Variants in PSTPIP1 observed in about 807,000 individuals in gnomAD.
PSTPIP1 encodes proline-serine-threonine phosphatase-interacting protein 1.
PSTPIP1 carries 66 observed loss-of-function variants against 69.6 expected under a neutral mutation model. That is an observed-to-expected ratio of 0.95 (90% CI 0.78 to 1.16). PSTPIP1 has a LOEUF of 1.16. PSTPIP1 is among the 50% of genes most tolerant of loss of function. The pLI is 0.00. For missense variants in PSTPIP1, 603 were observed against 557.4 expected (o/e 1.08, Z -0.82); for synonymous variants, 266 against 222.7 (o/e 1.19, Z -1.73).
intron 3 of PSTPIP1, among the ~76,000 whole-genome samples, chr15:77,023,016 C>T (rs758981494): frequency 5.9e-5 from 9 of 152,242 alleles, no homozygotes; most frequent in Non-Finnish European, 1.2e-4. Context: ...TGAATGTCCA[C>T]CTGGCAGTGC....
intron 6 of PSTPIP1, 142 bp downstream of exon 6, chr15:77,028,056 AC>A: frequency 2.5e-6 from 2 of 814,456 alleles, no homozygotes; most frequent in East Asian, 2.7e-5. Context: ...CCTTGGGCGC[AC>A]CAGCCTGCGG....
chr15:77,025,428 G>A (rs908752669), intron 4 of PSTPIP1, 70 bp from the exon 5 acceptor site: 24 of 1,582,044 alleles, frequency 1.5e-5, no homozygotes, highest in African/African-American at 4.0e-5. Context: ...TGGCCCACAC[G>A]GGTGAGTTGT....
chr15:77,030,375 G>A, intron 8 of PSTPIP1, 127 bp from the exon 9 acceptor site: 1 of 955,646 alleles, frequency 1.0e-6, no homozygotes, highest in Non-Finnish European at 1.6e-6. Flanking sequence ...CCCGCCATCT[G>A]CTAGGGCAGG....
intron 14 of PSTPIP1, 45 bp from the exon 15 acceptor site, chr15:77,037,000 C>A: frequency 6.3e-7 from 1 of 1,598,072 alleles, no homozygotes; most frequent in East Asian, 2.3e-5. Flanking sequence ...CAGGCCCTTC[C>A]CTGCAGGCCC....
intron 1 of PSTPIP1, among the ~76,000 whole-genome samples, chr15:77,003,814 T>C (rs1204311422): frequency 6.6e-6 from 1 of 152,100 alleles, no homozygotes; most frequent in African/African-American, 2.4e-5. Context: ...AGATAAGGGC[T>C]TTGAGGTTGG....
intron 5 of PSTPIP1, 33 bp downstream of exon 5, chr15:77,025,637 C>A: frequency 6.6e-7 from 1 of 1,510,410 alleles, no homozygotes; most frequent in South Asian, 1.2e-5. Context: ...GGGAGCTGCT[C>A]CCCCATTGCC....
At chr15:77,033,701 G>A (rs2076477727) in intron 12 of PSTPIP1, among the ~76,000 whole-genome samples, 1 of 152,138 alleles carries the variant, frequency 6.6e-6, no homozygotes, top group African/African-American at 2.4e-5. Context: ...ACTGTGGGGA[G>A]AGGCTGATGC....
chr15:77,012,211 GTCCACCCATCTGTCCATCCATCCA>G (rs2075956670), intron 1 of PSTPIP1, among the ~76,000 whole-genome samples: 1 of 90,250 alleles, frequency 1.1e-5, no homozygotes, highest in South Asian at 4.0e-4. Flanking sequence ...CCATCCATCC[GTCCACCCATCTGTCCATCCATCCA>G]TCCACCCACT....
rs1336266359 is a variant in PSTPIP1, at chr15:77,027,126, G to A, written c.355-726G>A. ...CACTTGGGTGTTTTGTGCTGTGTGTGTGTGAGTGCCTGTGCCTCGCTGGTC... is the reference window on the plus strand; with the variant it reads ...CACTTGGGTGTTTTGTGCTGTGTGTATGTGAGTGCCTGTGCCTCGCTGGTC... On this transcript the variant is annotated intron_variant, in intron 5 of 14. Transcript: ENST00000558012. This position sits in a 1 kb window ranked among gnomAD's most constrained non-coding sequence, Gnocchi z 4.3. 3.9e-5 allele frequency among the ~76,000 whole-genome samples: 6 copies of A among 152,246 alleles called. No individual in the cohort carries two copies. Among genetic ancestry groups the A allele is most frequent in the Non-Finnish European group, 2.9e-5 (2 of 68,038 alleles).
chr15:77,035,434 G>A, intron 12 of PSTPIP1, 74 bp from the exon 13 acceptor site: 4 of 1,470,952 alleles, frequency 2.7e-6, no homozygotes, highest in Non-Finnish European at 1.9e-6. Context: ...ACCTCTCCCT[G>A]TCTAAACCCT....
intron 5 of PSTPIP1, chr15:77,026,166 A>G (rs974636026): frequency 6.6e-6 from 3 of 455,900 alleles, no homozygotes; most frequent in African/African-American, 6.0e-5. Context: ...AGTCCCCATC[A>G]TGGGAGGTGT....
In PSTPIP1 at chr15:77,037,062, C is replaced by T. The variant is rs770139775; in HGVS notation, c.1137C>T (p.Asp379=). 1.5e-5 allele frequency: 24 copies of T among 1,612,122 alleles called. No individual in the cohort carries two copies. The highest frequency in any genetic ancestry group is 1.6e-4 in the Middle Eastern group (1 of 6,080). The change falls in exon 15 of 15, where the codon GAC becomes GAT. Residue 379 remains aspartate, a synonymous_variant. Coordinates refer to ENST00000558012, the MANE Select transcript of PSTPIP1 (RefSeq NM_003978.5). ...DYTAQNPDEL[D]LSAGDILEVI... The stretch of plus-strand genomic sequence containing the variant: ...TTGGCCAGAACCCAGATGAGCTGGA[C>T]CTGTCCGCGGGAGACATCCTGGAGG...
In PSTPIP1 at chr15:77,030,539, G is replaced by C; in HGVS notation, c.600G>C (p.Lys200Asn). Residue 200 changes from lysine (K) to asparagine (N), a missense_variant, in exon 9 of 15, where the codon AAG (lysine) becomes AAC (asparagine). Physicochemically the swap from Lys to Asn is moderately conservative, Grantham distance 94. Coordinates refer to ENST00000558012, the MANE Select transcript of PSTPIP1 (RefSeq NM_003978.5). Reference sequence around the variant, plus strand: ...GGCAGAGCATTGCGCAGCTGGAGAAGGTCCGGGCTGAGTGGGAGCAGGAGC... The same window carrying C: ...GGCAGAGCATTGCGCAGCTGGAGAACGTCCGGGCTGAGTGGGAGCAGGAGC... ...VYRQSIAQLE[K>N]VRAEWEQEHR... 6.2e-7 allele frequency: 1 copy of C among 1,612,098 alleles called. No homozygotes were observed. Among genetic ancestry groups the C allele is most frequent in the Non-Finnish European group, 8.5e-7 (1 of 1,179,086 alleles).
intron 1 of PSTPIP1, among the ~76,000 whole-genome samples, chr15:77,011,445 C>T (rs973611791): frequency 2.0e-5 from 3 of 152,218 alleles, no homozygotes; most frequent in Non-Finnish European, 2.9e-5. Flanking sequence ...CTGTAAGGCC[C>T]GGCAGAGGCC....
At position 77,027,804 on chromosome 15, in the gene PSTPIP1, GC is replaced by G; in HGVS notation, c.355-46del. 6.5e-7 allele frequency: 1 copy of G among 1,549,318 alleles called. No individual in the cohort carries two copies. Among genetic ancestry groups the G allele is most frequent in the Non-Finnish European group, 8.7e-7 (1 of 1,146,162 alleles). ...CACTCCGTCCTCTTGGCCTAGGGGA[GC>G]CTCCCGAGGCCGCGGCCCTCGGCTC... On this transcript the variant is annotated intron_variant, in intron 5 of 14. Coordinates refer to ENST00000558012, the MANE Select transcript of PSTPIP1 (RefSeq NM_003978.5). The surrounding 1 kb of genome is among the most constrained non-coding windows in gnomAD (Gnocchi z 4.3).
At chr15:77,037,013 C>A in intron 14 of PSTPIP1, 32 bp from the exon 15 acceptor site, 4 of 1,606,486 alleles carry the variant, frequency 2.5e-6, no homozygotes, top group Non-Finnish European at 3.4e-6. Flanking sequence ...GCAGGCCCTT[C>A]CAACGTCATG....
intron 1 of PSTPIP1, among the ~76,000 whole-genome samples, chr15:77,004,927 G>A (rs1216934205): frequency 2.0e-5 from 3 of 152,024 alleles, no homozygotes; most frequent in Non-Finnish European, 2.9e-5. Flanking sequence ...GATCTTGTAG[G>A]ACTGTCATTC....
At chr15:77,025,364 G>C in intron 4 of PSTPIP1, 46 bp downstream of exon 4, 1 of 1,586,976 alleles carries the variant, frequency 6.3e-7, no homozygotes, top group African/African-American at 1.3e-5. Flanking sequence ...GGACTGCGAG[G>C]CTGGTGGAGG....
intron 12 of PSTPIP1, among the ~76,000 whole-genome samples, chr15:77,034,164 G>A (rs1165098857): frequency 1.3e-5 from 2 of 150,012 alleles, no homozygotes; most frequent in Non-Finnish European, 3.0e-5. Context: ...TCAGTGACTG[G>A]GAGTCAGAAG....
Sources: gnomAD v4.1 joint callset for allele counts (sites outside exome capture counted in the v4.1 genomes callset) on GRCh38, gnomAD v4.1.1 for gene constraint, Gnocchi (gnomAD v3.1) non-coding constraint, MANE v1.5 for transcripts, NCBI Gene and HGNC (gene_info 2026-07-23, HGNC 2026-07-21) for gene names.